GRAMD2B: variants seen among roughly 807,000 people sequenced by gnomAD.
GRAMD2B encodes GRAM domain-containing protein 2B.
A neutral mutation model predicts 59.2 loss-of-function variants in GRAMD2B; 41 were observed. The observed-to-expected ratio is 0.69, with a 90% confidence interval of 0.54 to 0.90. GRAMD2B has a LOEUF of 0.90. GRAMD2B is among the 40% of genes least tolerant of loss of function. The probability of loss-of-function intolerance (pLI) is 0.00; values close to 1 mark genes in which losing one functional copy is unlikely to be tolerated. For synonymous variants in GRAMD2B, 161 were observed against 182.7 expected (o/e 0.88, Z 0.96); for missense variants, 424 against 500.5 (o/e 0.85, Z 1.46).
intron 1 of GRAMD2B, among the ~76,000 whole-genome samples, chr5:126,459,564 C>T (rs1409638136): frequency 3.9e-5 from 6 of 152,202 alleles, no homozygotes; most frequent in African/African-American, 7.2e-5. Context: ...TACATACAAA[C>T]AGCTAATTCA....
At position 126,385,365 on chromosome 5, in the gene GRAMD2B, T is replaced by C. The variant is rs73332454; in HGVS notation, c.125+13798T>C. ...GAAAATTACACAACAAAAAGGATACTATGAGCAATATAGGCTTAAATTTTT... is the reference window on the plus strand; with the variant it reads ...GAAAATTACACAACAAAAAGGATACCATGAGCAATATAGGCTTAAATTTTT... On this transcript the variant is annotated intron_variant, in intron 1 of 8. Transcript: ENST00000506445. 4.2e-3 allele frequency among the ~76,000 whole-genome samples: 642 copies of C among 152,316 alleles called. 3 individuals are homozygous for C. Among genetic ancestry groups the C allele is most frequent in the African/African-American group, 0.014 (596 of 41,568 alleles).
intron 1 of GRAMD2B, among the ~76,000 whole-genome samples, chr5:126,375,504 G>T (rs554530192): frequency 7.9e-5 from 12 of 151,814 alleles, no homozygotes; most frequent in African/African-American, 2.9e-4. Context: ...CGAGTGGCTG[G>T]GACTACAGGC....
At chr5:126,456,882 A>G (rs1393988682) in intron 1 of GRAMD2B, among the ~76,000 whole-genome samples, 2 of 152,138 alleles carry the variant, frequency 1.3e-5, no homozygotes, top group Non-Finnish European at 2.9e-5. Flanking sequence ...TAGAATGCCT[A>G]TCCATTTGAT....
intron 1 of GRAMD2B, among the ~76,000 whole-genome samples, chr5:126,440,935 T>C (rs193018975): frequency 2.7e-4 from 41 of 152,342 alleles, no homozygotes; most frequent in African/African-American, 9.4e-4. Context: ...ATAAAACATG[T>C]ATAAAATGAT....
chr5:126,447,213 G>A (rs973639335), intron 1 of GRAMD2B, among the ~76,000 whole-genome samples: 4 of 152,166 alleles, frequency 2.6e-5, no homozygotes, highest in South Asian at 2.1e-4. Flanking sequence ...ACTGAATTAT[G>A]GGGGGTTGTT....
intron 1 of GRAMD2B, among the ~76,000 whole-genome samples, chr5:126,375,081 T>A (rs1221814550): frequency 6.6e-6 from 1 of 152,204 alleles, no homozygotes; most frequent in Non-Finnish European, 1.5e-5. Context: ...TTCTTTAATG[T>A]CCTTCAATAA....
chr5:126,377,638 T>A (rs1755316650), intron 1 of GRAMD2B, among the ~76,000 whole-genome samples: 1 of 152,242 alleles, frequency 6.6e-6, no homozygotes, highest in South Asian at 2.1e-4. Context: ...AATCTATTTG[T>A]GTGATTTGCC....
intron 1 of GRAMD2B, among the ~76,000 whole-genome samples, chr5:126,403,428 C>A (rs1406722337): frequency 6.6e-6 from 1 of 151,990 alleles, no homozygotes; most frequent in African/African-American, 2.4e-5. Flanking sequence ...CAATGCACTT[C>A]TACGTTGGCT....
At chr5:126,417,434 C>T (rs201267984) in intron 1 of GRAMD2B, among the ~76,000 whole-genome samples, 1 of 152,232 alleles carries the variant, frequency 6.6e-6, no homozygotes, top group Non-Finnish European at 1.5e-5. Flanking sequence ...TAGCCTTCAG[C>T]TCTTCCAGCC....
intron 1 of GRAMD2B, among the ~76,000 whole-genome samples, chr5:126,406,432 A>C (rs78651665): frequency 1.3e-5 from 2 of 151,918 alleles, no homozygotes; most frequent in African/African-American, 4.8e-5. Flanking sequence ...CATACACTCA[A>C]TTTTTATATA....
At chr5:126,463,353 T>C (rs1002185817) in intron 1 of GRAMD2B, among the ~76,000 whole-genome samples, 2 of 152,218 alleles carry the variant, frequency 1.3e-5, no homozygotes, top group Admixed American at 1.3e-4. Context: ...TCAAGTAGAT[T>C]TCTGCCTGAA....
At chr5:126,454,302 A>G (rs894798600) in intron 1 of GRAMD2B, among the ~76,000 whole-genome samples, 11 of 152,150 alleles carry the variant, frequency 7.2e-5, no homozygotes, top group African/African-American at 2.7e-4. Flanking sequence ...AGGAGGATGA[A>G]TCGCACATTG....
intron 5 of GRAMD2B, among the ~76,000 whole-genome samples, chr5:126,475,917 C>T (rs1211558492): frequency 1.3e-5 from 2 of 152,010 alleles, no homozygotes; most frequent in African/African-American, 4.8e-5. Flanking sequence ...GAGACCAGCC[C>T]GAACAACATA....
chr5:126,453,799 C>T (rs2126699353), intron 1 of GRAMD2B, among the ~76,000 whole-genome samples: 1 of 152,322 alleles, frequency 6.6e-6, no homozygotes, highest in South Asian at 2.1e-4. Flanking sequence ...GCCTTTTTCT[C>T]TTGCTCCCAC....
At chr5:126,384,767 T>C (rs764517613) in intron 1 of GRAMD2B, among the ~76,000 whole-genome samples, 2 of 152,248 alleles carry the variant, frequency 1.3e-5, no homozygotes, top group African/African-American at 2.4e-5. Flanking sequence ...TTGCCTACAA[T>C]ACTCTGGCAG....
At chr5:126,420,045 A>G (rs752359729), upstream of GRAMD2B, among the ~76,000 whole-genome samples, 1 of 81,884 alleles carries the variant, frequency 1.2e-5, no homozygotes. Flanking sequence ...ACAGAGCGAG[A>G]CTCTTTCTCA....
chr5:126,407,718 C>T (rs1037533544), intron 1 of GRAMD2B, among the ~76,000 whole-genome samples: 2 of 151,848 alleles, frequency 1.3e-5, no homozygotes, highest in African/African-American at 2.4e-5. Context: ...CTCCACACAC[C>T]GTGGGTTGCC....
chr5:126,485,641 T>C, intron 10 of GRAMD2B, 45 bp from the exon 11 acceptor site: 1 of 1,178,660 alleles, frequency 8.5e-7, no homozygotes, highest in South Asian at 1.3e-5. Flanking sequence ...ATAAAAGAAG[T>C]GTGTTATGGT....
At chr5:126,386,779 C>T (rs143439487) in intron 1 of GRAMD2B, among the ~76,000 whole-genome samples, 167 of 152,234 alleles carry the variant, frequency 1.1e-3, no homozygotes, top group African/African-American at 3.9e-3. Context: ...TAGCATCTAG[C>T]TTATTGGACT....
Sources: allele counts gnomAD v4.1 joint callset (sites outside exome capture counted in the v4.1 genomes callset), GRCh38; gene constraint gnomAD v4.1.1; transcripts MANE v1.5; gene names NCBI Gene and HGNC (gene_info 2026-07-23, HGNC 2026-07-21).